The following MTMR3 variants were observed in gnomAD, a reference collection of about 807,000 sequenced individuals.
MTMR3 encodes myotubularin related protein 3.
In MTMR3, 32 loss-of-function variants were observed where a neutral mutation model predicts 132.4. That is an observed-to-expected ratio of 0.24 (90% confidence interval 0.18 to 0.32). The LOEUF (loss-of-function observed/expected upper bound fraction) is 0.32. Among genes scored for constraint, MTMR3 ranks in the 10% least tolerant of loss-of-function variants. The pLI, the probability that MTMR3 is intolerant of heterozygous loss-of-function variation, is 1.00. For synonymous variants in MTMR3, 556 were observed against 550.3 expected (o/e 1.01, Z -0.14); for missense variants, 1,216 against 1,489.6 (o/e 0.82, Z 3.02).
chr22:29,940,290 A>G (rs6006305), intron 1 of MTMR3, among the ~76,000 whole-genome samples: 2,423 of 152,242 alleles, frequency 0.016, 54 homozygotes, highest in African/African-American at 0.054. Flanking sequence ...AATACTTTGT[A>G]ATATTCTCCC....
At chr22:30,016,763 A>G in intron 15 of MTMR3, 65 bp downstream of exon 15, 1 of 1,509,286 alleles carries the variant, frequency 6.6e-7, no homozygotes, top group Non-Finnish European at 9.0e-7. Flanking sequence ...TACATATGAG[A>G]GCCTTTTTGA....
intron 1 of MTMR3, among the ~76,000 whole-genome samples, chr22:29,940,127 G>A (rs560986692): frequency 1.0e-3 from 155 of 152,250 alleles, no homozygotes; most frequent in African/African-American, 3.6e-3. Context: ...AATTAGCCGG[G>A]CGTGGTGGCG....
intron 1 of MTMR3, among the ~76,000 whole-genome samples, chr22:29,922,208 G>A (rs1459254211): frequency 6.6e-6 from 1 of 151,854 alleles, no homozygotes; most frequent in South Asian, 2.1e-4. Flanking sequence ...TAGTAGAGAC[G>A]GGGTTTTGCC....
At chr22:29,975,283 T>C (rs2066608757) in intron 3 of MTMR3, among the ~76,000 whole-genome samples, 1 of 152,206 alleles carries the variant, frequency 6.6e-6, no homozygotes, top group South Asian at 2.1e-4. Flanking sequence ...CATAAATTCA[T>C]TTAAAAGTAA....
chr22:29,924,866 T>C (rs568693327), intron 1 of MTMR3, among the ~76,000 whole-genome samples: 3 of 152,310 alleles, frequency 2.0e-5, no homozygotes, highest in East Asian at 3.9e-4. Flanking sequence ...TCATTGTTAG[T>C]GTATATGTAT....
chr22:30,005,876 G>A (rs1161488463), intron 9 of MTMR3: 1 of 152,200 alleles, frequency 6.6e-6, no homozygotes, highest in African/African-American at 2.4e-5. Context: ...GAGTGCTTCA[G>A]TTTTATATAG....
chr22:29,962,013 G>A (rs983105492), intron 2 of MTMR3, among the ~76,000 whole-genome samples: 1 of 152,214 alleles, frequency 6.6e-6, no homozygotes, highest in African/African-American at 2.4e-5. Context: ...ATCTAGGTTT[G>A]TATAAATACC....
At chr22:29,972,596 A>T (rs2066556440) in intron 3 of MTMR3, among the ~76,000 whole-genome samples, 1 of 152,270 alleles carries the variant, frequency 6.6e-6, no homozygotes, top group Admixed American at 6.5e-5. Flanking sequence ...CTTGAGACAG[A>T]GTCTTGCTCT....
intron 1 of MTMR3, among the ~76,000 whole-genome samples, chr22:29,946,666 C>G (rs1569018397): frequency 6.6e-6 from 1 of 152,060 alleles, no homozygotes; most frequent in South Asian, 2.1e-4. Flanking sequence ...AATGTACTAC[C>G]TGCATATTTT....
intron 1 of MTMR3, among the ~76,000 whole-genome samples, chr22:29,944,254 A>G (rs2065913124): frequency 6.6e-6 from 1 of 151,578 alleles, no homozygotes; most frequent in Non-Finnish European, 1.5e-5. Context: ...TTGCCATTAA[A>G]AATGATGGCA....
chr22:29,903,301 C>T (rs567940607), intron 1 of MTMR3, among the ~76,000 whole-genome samples: 1 of 152,102 alleles, frequency 6.6e-6, no homozygotes, highest in African/African-American at 2.4e-5. Flanking sequence ...GGTTCCAGTT[C>T]CAACCCTGAG....
chr22:30,001,886 T>C (rs886190564), intron 8 of MTMR3: 1 of 152,120 alleles, frequency 6.6e-6, no homozygotes, highest in Non-Finnish European at 1.5e-5. Flanking sequence ...TTCTGGAAAT[T>C]GAGGAGAGAT....
At chr22:29,931,928 T>G (rs1288455256) in intron 1 of MTMR3, among the ~76,000 whole-genome samples, 1 of 152,180 alleles carries the variant, frequency 6.6e-6, no homozygotes, top group Non-Finnish European at 1.5e-5. Flanking sequence ...CAGCCAGCTC[T>G]TTATTCTTCT....
At chr22:29,949,131 ACACACACACACACCCCCCCC>A (rs1372439056) in intron 1 of MTMR3, among the ~76,000 whole-genome samples, 11 of 31,576 alleles carry the variant, frequency 3.5e-4, no homozygotes, top group Non-Finnish European at 4.9e-4. Context: ...ACACACACAC[ACACACACACACACCCCCCCC>A]CCCCCCCCCG....
intron 1 of MTMR3, among the ~76,000 whole-genome samples, chr22:29,948,033 T>C (rs570691741): frequency 6.6e-6 from 1 of 152,316 alleles, no homozygotes; most frequent in African/African-American, 2.4e-5. Flanking sequence ...TTCAAAAATA[T>C]GAGTAGCCCC....
chr22:29,930,670 C>G (rs2065623410), intron 1 of MTMR3, among the ~76,000 whole-genome samples: 2 of 152,052 alleles, frequency 1.3e-5, no homozygotes, highest in Admixed American at 1.3e-4. Flanking sequence ...CCAGCCTGGG[C>G]TACAGAGTGA....
chr22:29,999,674 C>T (rs552071813), intron 8 of MTMR3: 1 of 152,270 alleles, frequency 6.6e-6, no homozygotes. Flanking sequence ...ATATATTGAT[C>T]TAAAACCAAC....
In MTMR3 at chr22:29,945,574, A is replaced by G. The variant is rs1475730346; in HGVS notation, c.-137-11462A>G. Among the ~76,000 whole-genome samples, 4 of 151,874 alleles carry G rather than the reference A, an allele frequency of 2.6e-5. No individual in the cohort carries two copies. The East Asian group carries it at 5.8e-4, about 22-fold the overall frequency. Reference sequence around the variant, plus strand: ...AAAAAATGTAGCCAGGCATGGTGGTATATGTCTGTGGTCCCAGCTACTTGG... The same window carrying G: ...AAAAAATGTAGCCAGGCATGGTGGTGTATGTCTGTGGTCCCAGCTACTTGG... On this transcript the variant is annotated intron_variant, in intron 1 of 19. Coordinates refer to ENST00000401950, the MANE Select transcript of MTMR3 (RefSeq NM_021090.4).
intron 1 of MTMR3, among the ~76,000 whole-genome samples, chr22:29,925,277 C>T (rs560097980): frequency 6.6e-6 from 1 of 152,186 alleles, no homozygotes; most frequent in African/African-American, 2.4e-5. Flanking sequence ...AAGCAGTCCT[C>T]CTGCCTCAGC....
Sources: allele counts gnomAD v4.1 joint callset (sites outside exome capture counted in the v4.1 genomes callset), GRCh38; gene constraint gnomAD v4.1.1; transcripts MANE v1.5; gene names NCBI Gene and HGNC (gene_info 2026-07-23, HGNC 2026-07-21).